The following OXR1 variants were observed in gnomAD, a reference collection of about 807,000 sequenced individuals.
OXR1 encodes the protein oxidation resistance 1.
In OXR1, 41 loss-of-function variants were observed where a neutral mutation model predicts 104.6. The observed-to-expected ratio is 0.39, with a 90% confidence interval of 0.31 to 0.51. The LOEUF (loss-of-function observed/expected upper bound fraction) is 0.51, where lower values mean the gene tolerates loss of function less well. Ranked by LOEUF, OXR1 falls within the 20% of genes least tolerant of loss-of-function variation. The probability of loss-of-function intolerance (pLI) is 0.77; values close to 1 mark genes in which losing one functional copy is unlikely to be tolerated. For synonymous variants in OXR1, 348 were observed against 348.4 expected (o/e 1.00, Z 0.01); for missense variants, 955 against 1,031.9 (o/e 0.93, Z 1.02).
intron 3 of OXR1, among the ~76,000 whole-genome samples, chr8:106,651,209 C>G (rs1824541952): frequency 6.6e-6 from 1 of 152,128 alleles, no homozygotes; most frequent in African/African-American, 2.4e-5. Context: ...TGGCTTGAAA[C>G]TTTTTGATCT....
Position 106,590,593 on chromosome 8 carries a change from C to T in OXR1, c.220+71454C>T, listed in dbSNP as rs191860842. Reference sequence around the variant, plus strand: ...GAGCCACCGTGCCCGGCCAGCAATACGGTTTTTAGTTACTCGACATCTTTA... The same window carrying T: ...GAGCCACCGTGCCCGGCCAGCAATATGGTTTTTAGTTACTCGACATCTTTA... On this transcript the variant is annotated intron_variant, in intron 3 of 16. Coordinates refer to ENST00000517566, the MANE Select transcript of OXR1 (RefSeq NM_001198533.2). Among the ~76,000 whole-genome samples the T allele has an allele frequency of 2.8e-3, 423 of 152,216 alleles. 2 individuals are homozygous for T. The highest frequency in any genetic ancestry group is 8.2e-3 in the African/African-American group (341 of 41,524).
intron 3 of OXR1, among the ~76,000 whole-genome samples, chr8:106,547,931 A>G (rs1815500027): frequency 6.6e-6 from 1 of 152,170 alleles, no homozygotes; most frequent in Admixed American, 6.5e-5. Flanking sequence ...TACTATAAAC[A>G]TGGACGTACA....
At position 106,671,986 on chromosome 8, in the gene OXR1, TAATAATAATAATAATAATAAA is replaced by T. The variant is rs1417523838; in HGVS notation, c.221-7222_221-7202del. 3.3e-4 allele frequency among the ~76,000 whole-genome samples: 47 copies of T among 144,014 alleles called. 2 individuals carry two copies. Among genetic ancestry groups the T allele is most frequent in the Admixed American group, 1.5e-3 (21 of 14,262 alleles). 94.5% of individuals were successfully genotyped at this position (144,014 alleles called of 152,430 possible). Reference sequence around the variant, plus strand: ...AGTATAATAATAATAATAATAATAATAATAATAATAATAATAATAAAAGGCTGTGAGGAGTCAGTAATTCAG... The same window carrying T: ...AGTATAATAATAATAATAATAATAATAGGCTGTGAGGAGTCAGTAATTCAG... On this transcript the variant is annotated intron_variant, in intron 3 of 16. Coordinates refer to ENST00000517566, the MANE Select transcript of OXR1 (RefSeq NM_001198533.2).
At chr8:106,490,608 C>T (rs1811018451) in intron 2 of OXR1, among the ~76,000 whole-genome samples, 1 of 152,134 alleles carries the variant, frequency 6.6e-6, no homozygotes, top group Non-Finnish European at 1.5e-5. Flanking sequence ...TCAAATGATC[C>T]TCCTGCCTCG....
chr8:106,313,673 C>T lies in OXR1; in HGVS notation c.-139+43306C>T, dbSNP rs532170470. 1.6e-4 allele frequency among the ~76,000 whole-genome samples: 24 copies of T among 152,134 alleles called. No homozygotes were observed. The South Asian group carries it at 3.9e-3, about 25-fold the overall frequency. On this transcript the variant is annotated intron_variant, in intron 1 of 16. Coordinates refer to ENST00000517566, the MANE Select transcript of OXR1 (RefSeq NM_001198533.2). ...CTAGGACAAAATGAATTTGTCCAGC[C>T]ATATCATAGCCTAGAGATATATTAT... is the stretch of plus-strand genomic sequence containing the variant.
At chr8:106,697,982 T>C in intron 7 of OXR1, 1 of 1,613,060 alleles carries the variant, frequency 6.2e-7, no homozygotes, top group Non-Finnish European at 8.5e-7. Flanking sequence ...ACCTCCTGGC[T>C]CAGGCCATAA....
At chr8:106,458,933 G>A (rs1167624064) in intron 2 of OXR1, among the ~76,000 whole-genome samples, 1 of 152,112 alleles carries the variant, frequency 6.6e-6, no homozygotes, top group Non-Finnish European at 1.5e-5. Flanking sequence ...CATTGCTAGA[G>A]AGAAATTTAT....
intron 1 of OXR1, among the ~76,000 whole-genome samples, chr8:106,306,308 A>G (rs1033643831): frequency 6.6e-6 from 1 of 152,140 alleles, no homozygotes; most frequent in African/African-American, 2.4e-5. Context: ...TTCTTATATC[A>G]TAATACATTG....
Position 106,444,587 on chromosome 8 carries a change from A to C in OXR1, c.24-74356A>C, listed in dbSNP as rs369105671. On this transcript the variant is annotated intron_variant, in intron 2 of 16. Coordinates refer to ENST00000517566, the MANE Select transcript of OXR1 (RefSeq NM_001198533.2). Reference sequence around the variant, plus strand: ...TCATCCTCAGCAAACTAACACAGGAACAGCGAACCAAACACCGCATGTTCT... The same window carrying C: ...TCATCCTCAGCAAACTAACACAGGACCAGCGAACCAAACACCGCATGTTCT... Among the ~76,000 whole-genome samples, 22 of 152,248 alleles carry C rather than the reference A, an allele frequency of 1.4e-4. 1 individual carries two copies. The East Asian group carries it at 3.7e-3, about 25-fold the overall frequency.
intron 1 of OXR1, among the ~76,000 whole-genome samples, chr8:106,309,502 C>T (rs1274323439): frequency 6.6e-6 from 1 of 152,044 alleles, no homozygotes; most frequent in Non-Finnish European, 1.5e-5. Context: ...TATTATCAGT[C>T]ACTTTGGTTA....
At position 106,577,724 on chromosome 8, in the gene OXR1, G is replaced by A. The variant is rs1464464635; in HGVS notation, c.220+58585G>A. On this transcript the variant is annotated intron_variant, in intron 3 of 16. Transcript: ENST00000517566. Reference sequence around the variant, plus strand: ...CTTTTCTGTTCAGCCTCAGGATGCTGGGGCTGAGTTCCTGCAACCCAAGTT... The same window carrying A: ...CTTTTCTGTTCAGCCTCAGGATGCTAGGGCTGAGTTCCTGCAACCCAAGTT... Among the ~76,000 whole-genome samples the A allele has an allele frequency of 2.0e-5, 3 of 152,114 alleles. No homozygotes were observed. The East Asian group carries it at 5.8e-4, about 29-fold the overall frequency.
chr8:106,398,494 A>G (rs1444826079), intron 2 of OXR1, among the ~76,000 whole-genome samples: 1 of 152,178 alleles, frequency 6.6e-6, no homozygotes, highest in African/African-American at 2.4e-5. Flanking sequence ...GCCTTGGGCA[A>G]GGAATGGGAA....
At position 106,340,220 on chromosome 8, in the gene OXR1, G is replaced by GA. The variant is rs10611410; in HGVS notation, c.-138-19241dup. 3.4e-3 allele frequency among the ~76,000 whole-genome samples: 416 copies of GA among 121,272 alleles called. 1 individual carries two copies. The highest frequency in any genetic ancestry group is 0.02 in the East Asian group (70 of 3,532). 79.6% of individuals were successfully genotyped at this position (121,272 alleles called of 152,430 possible). ...TGATTGGAACAGTTGTGAGGGAAAA[G>GA]AAAAAAAAAAAAAAACCTTCTGACT... On this transcript the variant is annotated intron_variant, in intron 1 of 16. Transcript: ENST00000517566.
chr8:106,562,120 A>G, intron 3 of OXR1, among the ~76,000 whole-genome samples: 1 of 152,162 alleles, frequency 6.6e-6, no homozygotes, highest in East Asian at 1.9e-4. Flanking sequence ...GACAAGAATG[A>G]GTTTGACAAA....
At chr8:106,293,470 C>T (rs769526306) in intron 1 of OXR1, among the ~76,000 whole-genome samples, 1 of 152,170 alleles carries the variant, frequency 6.6e-6, no homozygotes, top group Non-Finnish European at 1.5e-5. Flanking sequence ...ACAGGAGTGT[C>T]GTGGTTGCCA....
intron 3 of OXR1, among the ~76,000 whole-genome samples, chr8:106,536,400 G>T (rs974049785): frequency 1.2e-4 from 19 of 152,080 alleles, no homozygotes; most frequent in African/African-American, 4.1e-4. Flanking sequence ...CTATGAATTT[G>T]CAGTCTCCCT....
At chr8:106,565,111 G>A (rs189207326) in intron 3 of OXR1, among the ~76,000 whole-genome samples, 1 of 152,236 alleles carries the variant, frequency 6.6e-6, no homozygotes, top group East Asian at 1.9e-4. Context: ...GTACAACATA[G>A]TATTGGAAAT....
chr8:106,472,491 G>A (rs1821570177), intron 2 of OXR1, among the ~76,000 whole-genome samples: 1 of 151,746 alleles, frequency 6.6e-6, no homozygotes, highest in African/African-American at 2.4e-5. Flanking sequence ...GTCAGGCTAT[G>A]GTGACAAGAC....
chr8:106,447,026 A>T (rs745802666), intron 2 of OXR1, among the ~76,000 whole-genome samples: 14 of 152,184 alleles, frequency 9.2e-5, no homozygotes, highest in Admixed American at 3.3e-4. Flanking sequence ...CACCTTCAAC[A>T]TATTCCTTAA....
Sources: gnomAD v4.1 joint callset for allele counts (sites outside exome capture counted in the v4.1 genomes callset) on GRCh38, gnomAD v4.1.1 for gene constraint, MANE v1.5 for transcripts, NCBI Gene and HGNC (gene_info 2026-07-23, HGNC 2026-07-21) for gene names.